The following HHAT variants were observed in gnomAD, a reference collection of about 807,000 sequenced individuals.
The protein encoded by HHAT is protein-cysteine N-palmitoyltransferase HHAT.
Under a neutral mutation model 70.8 loss-of-function variants are expected in HHAT, and 47 were observed. That is an observed-to-expected ratio of 0.66 (90% CI 0.53 to 0.85). The LOEUF (loss-of-function observed/expected upper bound fraction) is 0.85. Ranked by LOEUF, HHAT falls within the 40% of genes least tolerant of loss-of-function variation. The pLI is 0.00. For synonymous variants in HHAT, 228 were observed against 247.6 expected (o/e 0.92, Z 0.74); for missense variants, 609 against 604.8 (o/e 1.01, Z -0.07).
intron 1 of HHAT, among the ~76,000 whole-genome samples, chr1:210,336,061 G>A (rs1173097826): frequency 2.0e-5 from 3 of 152,184 alleles, no homozygotes; most frequent in Non-Finnish European, 1.5e-5. Context: ...GTAGAAGTTA[G>A]GCTAGTGGTC....
At chr1:210,530,546 CTG>C (rs1377598040) in intron 9 of HHAT, among the ~76,000 whole-genome samples, 3 of 152,118 alleles carry the variant, frequency 2.0e-5, no homozygotes, top group African/African-American at 7.2e-5. Context: ...AACCTGCAGC[CTG>C]TGGGAATGAG....
At chr1:210,633,766 C>T (rs1188172427) in intron 11 of HHAT, among the ~76,000 whole-genome samples, 1 of 152,192 alleles carries the variant, frequency 6.6e-6, no homozygotes, top group Non-Finnish European at 1.5e-5. Context: ...GCTGATACTC[C>T]ACTTGAGAGC....
chr1:210,362,333 C>T (rs2088434396), intron 2 of HHAT, among the ~76,000 whole-genome samples: 1 of 151,786 alleles, frequency 6.6e-6, no homozygotes, highest in Non-Finnish European at 1.5e-5. Flanking sequence ...GCAACCTCTG[C>T]CTCCCAGTTG....
rs2091386929 is a variant in HHAT at position 210,390,487 on chromosome 1, T to C, written c.273+2906T>C. 2.0e-5 allele frequency among the ~76,000 whole-genome samples: 3 copies of C among 152,158 alleles called. No individual in the cohort carries two copies. The South Asian group carries it at 6.2e-4, about 32-fold the overall frequency. ...AAGTGATCATAAACATAAAGATAGG[T>C]CTATTATTGTAGGGAGAGATTTTTT... On this transcript the variant is annotated intron_variant, in intron 4 of 11. Coordinates refer to ENST00000261458, the MANE Select transcript of HHAT (RefSeq NM_018194.6).
intron 7 of HHAT, among the ~76,000 whole-genome samples, chr1:210,426,364 C>T (rs1331083148): frequency 6.6e-6 from 1 of 152,198 alleles, no homozygotes; most frequent in South Asian, 2.1e-4. Context: ...CCAGCCAGAA[C>T]TTCCAATACT....
At chr1:210,429,812 C>T (rs529958884) in intron 7 of HHAT, among the ~76,000 whole-genome samples, 1 of 151,962 alleles carries the variant, frequency 6.6e-6, no homozygotes, top group South Asian at 2.1e-4. Context: ...ATCTGAATAT[C>T]TTCTTCCCCA....
chr1:210,340,765 A>G (rs1312145335), intron 1 of HHAT, among the ~76,000 whole-genome samples: 1 of 152,180 alleles, frequency 6.6e-6, no homozygotes, highest in Non-Finnish European at 1.5e-5. Context: ...ATTCTATTAC[A>G]TTTAGACCAC....
chr1:210,552,675 T>C (rs1363197654), intron 9 of HHAT, among the ~76,000 whole-genome samples: 3 of 152,178 alleles, frequency 2.0e-5, no homozygotes, highest in Non-Finnish European at 4.4e-5. Flanking sequence ...TGACCAGTTA[T>C]TGATGTGGGC....
chr1:210,355,578 T>C (rs2087525806), intron 2 of HHAT, among the ~76,000 whole-genome samples: 1 of 152,234 alleles, frequency 6.6e-6, no homozygotes, highest in Non-Finnish European at 1.5e-5. Context: ...CATGGTATTT[T>C]TAAACATACT....
At chr1:210,362,261 T>C (rs370097258) in intron 2 of HHAT, among the ~76,000 whole-genome samples, 8 of 149,916 alleles carry the variant, frequency 5.3e-5, no homozygotes, top group African/African-American at 1.8e-4. Context: ...CTTTTCTTTT[T>C]TGAGATGGAG....
chr1:210,653,956 A>G (rs1675745719), intron 11 of HHAT, among the ~76,000 whole-genome samples: 3 of 152,412 alleles, frequency 2.0e-5, no homozygotes, highest in East Asian at 1.9e-4. Context: ...ACAGTGGAAT[A>G]GTGTGACGGG....
Position 210,418,175 on chromosome 1 carries a change from T to C in HHAT, c.706T>C (p.Ser236Pro). Residue 236 changes from serine to proline, a missense_variant, in exon 7 of 12, where the codon TCC becomes CCC. By Grantham distance (74) the Ser-to-Pro change is moderately conservative. Transcript: ENST00000261458. ...TTAGATGCAGCAGCAGGAGCATGAC[T>C]CCCTGAAGGCCAGCCTGTGTGTCCT... ...IKQMQQQEHD[S>P]LKASLCVLAL... 1 of 1,614,138 alleles carries C rather than the reference T, an allele frequency of 6.2e-7. No homozygotes were observed. Among genetic ancestry groups the C allele is most frequent in the Non-Finnish European group, 8.5e-7 (1 of 1,180,006 alleles).
At chr1:210,556,931 T>C (rs1223336859) in intron 9 of HHAT, among the ~76,000 whole-genome samples, 1 of 152,206 alleles carries the variant, frequency 6.6e-6, no homozygotes, top group Non-Finnish European at 1.5e-5. Context: ...AGCAGTTTCC[T>C]CTTTTAAATG....
At chr1:210,603,117 G>A (rs1269351727) in intron 10 of HHAT, among the ~76,000 whole-genome samples, 2 of 152,182 alleles carry the variant, frequency 1.3e-5, no homozygotes, top group Non-Finnish European at 2.9e-5. Flanking sequence ...TGCTGCCTTT[G>A]CTCGGCTGCT....
rs1310821502 is a variant in HHAT, at chr1:210,536,590, T to G, written c.1043+23402T>G. ...GAACAATATGGGAGAATCTGTCTTT[T>G]CTTGAGTTGGAGAAGGATTTATGTC... is the stretch of plus-strand genomic sequence containing the variant. On this transcript the variant is annotated intron_variant, in intron 9 of 11. Transcript: ENST00000261458. Among the ~76,000 whole-genome samples, 6 of 152,358 alleles carry G rather than the reference T, an allele frequency of 3.9e-5. No homozygotes were observed. In the East Asian group the frequency reaches 1.2e-3, roughly 29 times the overall value.
intron 9 of HHAT, among the ~76,000 whole-genome samples, chr1:210,544,905 A>C (rs2095469685): frequency 6.6e-6 from 1 of 151,930 alleles, no homozygotes; most frequent in South Asian, 2.1e-4. Flanking sequence ...CTCACCCCTA[A>C]ATTCCCAGGT....
At chr1:210,422,091 T>C (rs1429228533) in intron 7 of HHAT, among the ~76,000 whole-genome samples, 2 of 152,222 alleles carry the variant, frequency 1.3e-5, no homozygotes, top group Non-Finnish European at 2.9e-5. Context: ...TTAGTTATTG[T>C]GTACATTTGC....
chr1:210,582,079 T>C (rs1659389985), intron 9 of HHAT, among the ~76,000 whole-genome samples: 1 of 152,162 alleles, frequency 6.6e-6, no homozygotes, highest in African/African-American at 2.4e-5. Context: ...AAATTGCAAG[T>C]TGGAAAATGC....
Position 210,394,229 on chromosome 1 carries a change from C to CTTTTTTTTTTTTT in HHAT, c.274-6216_274-6204dup, listed in dbSNP as rs59554789. On this transcript the variant is annotated intron_variant, in intron 4 of 11. Coordinates refer to ENST00000261458, the MANE Select transcript of HHAT (RefSeq NM_018194.6). ...TTTTATTTTCAAAAGCATGATCTATCTTTTTTTTTTTTTTTTTTTTTTTTT... is the reference window on the plus strand; with the variant it reads ...TTTTATTTTCAAAAGCATGATCTATCTTTTTTTTTTTTTTTTTTTTTTTTTTTTTTTTTTTTTT... 2.1e-4 allele frequency among the ~76,000 whole-genome samples: 25 copies of CTTTTTTTTTTTTT among 116,326 alleles called. 1 individual carries two copies. Among genetic ancestry groups the CTTTTTTTTTTTTT allele is most frequent in the East Asian group, 1.2e-3 (3 of 2,402 alleles). 76.3% of individuals were successfully genotyped at this position (116,326 alleles called of 152,430 possible). A position where few individuals can be genotyped will look rare whatever the true frequency, so the allele number is the denominator to read the frequency against.
Sources: allele counts gnomAD v4.1 joint callset (sites outside exome capture counted in the v4.1 genomes callset), GRCh38; gene constraint gnomAD v4.1.1; transcripts MANE v1.5; gene names NCBI Gene and HGNC (gene_info 2026-07-23, HGNC 2026-07-21).